USP6NL: variants seen among roughly 807,000 people sequenced by gnomAD.
USP6NL encodes USP6 N-terminal-like protein.
In USP6NL, 26 loss-of-function variants were observed where a neutral mutation model predicts 61.9. That is an observed-to-expected ratio of 0.42 (90% CI 0.31 to 0.58). USP6NL has a LOEUF of 0.58. Ranked by LOEUF, USP6NL falls within the 20% of genes least tolerant of loss-of-function variation. USP6NL has a pLI of 0.16. For missense variants in USP6NL, 1,114 were observed against 1,034.3 expected (o/e 1.08, Z -1.06); for synonymous variants, 432 against 390.1 (o/e 1.11, Z -1.27).
chr10:11,460,850 G>C lies in USP6NL; in HGVS notation c.*1591C>G, dbSNP rs1399527181. On this transcript the variant is annotated 3_prime_UTR_variant, in exon 15 of 15. Coordinates refer to ENST00000609104, the MANE Select transcript of USP6NL (RefSeq NM_014688.5). ...CCACCTGACCTGCATCAACAGCCCAGTTATTTCACCAGAATTTTGTTTGCG... is the reference window on the plus strand; with the variant it reads ...CCACCTGACCTGCATCAACAGCCCACTTATTTCACCAGAATTTTGTTTGCG... 1 of 152,228 alleles carries C rather than the reference G, an allele frequency of 6.6e-6. No homozygotes were observed. The highest frequency in any genetic ancestry group is 1.9e-4 in the East Asian group (1 of 5,188). 9.4% of individuals were successfully genotyped at this position (152,228 alleles called of 1,614,324 possible).
At chr10:11,552,908 A>G (rs1836547132) in intron 2 of USP6NL, among the ~76,000 whole-genome samples, 2 of 152,126 alleles carry the variant, frequency 1.3e-5, no homozygotes, top group South Asian at 4.2e-4. Context: ...CTGGGCTTTT[A>G]GTGTACCCAT....
Position 11,602,669 on chromosome 10 carries a change from C to A in USP6NL, c.-83-4952G>T, listed in dbSNP as rs1178779483. Among the ~76,000 whole-genome samples, 1 of 152,162 alleles carries A rather than the reference C, an allele frequency of 6.6e-6. No individual in the cohort carries two copies. Among genetic ancestry groups the A allele is most frequent in the Non-Finnish European group, 1.5e-5 (1 of 68,034 alleles). On this transcript the variant is annotated intron_variant, in intron 1 of 14. Transcript: ENST00000609104. This position sits in a 1 kb window ranked among gnomAD's most constrained non-coding sequence, Gnocchi z 4.8. ...CAAATCTAAACTTTCTGAAATCAGA[C>A]ACGTTTTGAGCACTGACGTGACACT... is the stretch of plus-strand genomic sequence containing the variant.
At position 11,499,816 on chromosome 10, in the gene USP6NL, T is replaced by C. The variant is rs1415996236; in HGVS notation, c.384+1285A>G. On this transcript the variant is annotated intron_variant, in intron 7 of 14. Transcript: ENST00000609104. This position sits in a 1 kb window ranked among gnomAD's most constrained non-coding sequence, Gnocchi z 4.5. ...AACTGTGTGAGAGAGAGTTCTGTTG[T>C]TTTGAGCCGCTTAGTTTGTGGTACT... Among the ~76,000 whole-genome samples the C allele has an allele frequency of 6.6e-6, 1 of 152,246 alleles. No homozygotes were observed. The highest frequency in any genetic ancestry group is 2.4e-5 in the African/African-American group (1 of 41,464).
rs771516009 is a variant in USP6NL at position 11,569,874 on chromosome 10, CT to C, written c.4+27756del. Among the ~76,000 whole-genome samples, 7 of 152,204 alleles carry C rather than the reference CT, an allele frequency of 4.6e-5. No individual in the cohort carries two copies. The East Asian group carries it at 7.7e-4, about 17-fold the overall frequency. On this transcript the variant is annotated intron_variant, in intron 2 of 14. Transcript: ENST00000609104. ...TCATGCTTCTTCTCGCCTCCTCCCC[CT>C]ATCACCCTAAGAGAATTTCCAAACA...
chr10:11,462,227 A>G lies in USP6NL; in HGVS notation c.*214T>C. The G allele has an allele frequency of 1.8e-6, 1 of 567,652 alleles. No individual in the cohort carries two copies. Among genetic ancestry groups the G allele is most frequent in the East Asian group, 3.0e-5 (1 of 33,446 alleles). 35.2% of individuals were successfully genotyped at this position (567,652 alleles called of 1,614,324 possible). A position where few individuals can be genotyped will look rare whatever the true frequency, so the allele number is the denominator to read the frequency against. On this transcript the variant is annotated 3_prime_UTR_variant, in exon 15 of 15. Coordinates refer to ENST00000609104, the MANE Select transcript of USP6NL (RefSeq NM_014688.5). ...ATGCTATTGCGATGTTTCCGGGTTA[A>G]ATTCTAACAGGTCAGTGATGATGCA... is the stretch of plus-strand genomic sequence containing the variant.
At chr10:11,500,322 C>T (rs1244094545) in intron 7 of USP6NL, among the ~76,000 whole-genome samples, 2 of 151,804 alleles carry the variant, frequency 1.3e-5, no homozygotes, top group Non-Finnish European at 2.9e-5. Flanking sequence ...ACATGTGTAC[C>T]CCTGAACTTA....
chr10:11,477,353 A>C (rs12571313), intron 14 of USP6NL, among the ~76,000 whole-genome samples: 16,445 of 152,244 alleles, frequency 0.11, 1,394 homozygotes, highest in East Asian at 0.43. Flanking sequence ...ACAGATATAA[A>C]AAGAACCGTA....
rs1835378497 is a variant in USP6NL, at chr10:11,525,491, G to A, written c.73-23C>T. 2 of 1,541,124 alleles carry A rather than the reference G, an allele frequency of 1.3e-6. No individual in the cohort carries two copies. Among genetic ancestry groups the A allele is most frequent in the African/African-American group, 2.8e-5 (2 of 70,440 alleles). ...TCCCTAAAATAAGGCACAAAAAAAG[G>A]TGTTAATCAGAGTTTATAAAACTGA... On this transcript the variant is annotated intron_variant, in intron 3 of 14. Transcript: ENST00000609104. This position sits in a 1 kb window ranked among gnomAD's most constrained non-coding sequence, Gnocchi z 5.0.
At position 11,542,104 on chromosome 10, in the gene USP6NL, A is replaced by C. The variant is rs1425393512; in HGVS notation, c.5-14537T>G. 4.6e-5 allele frequency among the ~76,000 whole-genome samples: 7 copies of C among 152,198 alleles called. 1 individual carries two copies. Among genetic ancestry groups the C allele is most frequent in the Admixed American group, 4.6e-4 (7 of 15,282 alleles). On this transcript the variant is annotated intron_variant, in intron 2 of 14. Coordinates refer to ENST00000609104, the MANE Select transcript of USP6NL (RefSeq NM_014688.5). ...ACTGGCCAATCATTAAGTGAATGAC[A>C]ATCAGATGAAGAATATAAAGACCAG...
At position 11,509,575 on chromosome 10, in the gene USP6NL, A is replaced by C. The variant is rs768763962; in HGVS notation, c.276+20T>G. 3.3e-6 allele frequency: 5 copies of C among 1,526,944 alleles called. No individual in the cohort carries two copies. Among genetic ancestry groups the C allele is most frequent in the Non-Finnish European group, 4.4e-6 (5 of 1,131,554 alleles). 94.6% of individuals were successfully genotyped at this position (1,526,944 alleles called of 1,614,324 possible). On this transcript the variant is annotated intron_variant, in intron 6 of 14. Coordinates refer to ENST00000609104, the MANE Select transcript of USP6NL (RefSeq NM_014688.5). ...TTGAGTTTATATAGTTTCATATGGA[A>C]AAACATGATTTTAAATTACCTTTTC...
intron 2 of USP6NL, among the ~76,000 whole-genome samples, chr10:11,568,046 G>A (rs1421802427): frequency 6.6e-5 from 10 of 152,054 alleles, no homozygotes; most frequent in Non-Finnish European, 1.5e-5. Flanking sequence ...TCAGCTTAGC[G>A]GTCACGTGTG....
At chr10:11,583,365 G>T (rs1327864309) in intron 2 of USP6NL, among the ~76,000 whole-genome samples, 4 of 148,870 alleles carry the variant, frequency 2.7e-5, no homozygotes, top group Non-Finnish European at 6.0e-5. Flanking sequence ...ATTTTTTTTT[G>T]TATTTTTAGT....
In USP6NL at chr10:11,462,553, G is replaced by A. The variant is rs1353830160; in HGVS notation, c.2375C>T (p.Pro792Leu). 1.8e-5 allele frequency: 29 copies of A among 1,614,016 alleles called. No individual in the cohort carries two copies. Among genetic ancestry groups the A allele is most frequent in the Middle Eastern group, 1.6e-4 (1 of 6,062 alleles). Residue 792 changes from proline (P) to leucine (L), a missense_variant, in exon 15 of 15, where the codon CCG (proline) becomes CTG (leucine). Pro to Leu is a moderately conservative substitution (Grantham distance 98, BLOSUM62 -3). Coordinates refer to ENST00000609104, the MANE Select transcript of USP6NL (RefSeq NM_014688.5). ...AGATGGACTGGCATCTTCTGCGGCCGGTGAAGCTTTATATCTCACGGGACT... is the reference window on the plus strand; with the variant it reads ...AGATGGACTGGCATCTTCTGCGGCCAGTGAAGCTTTATATCTCACGGGACT... ...VDSPVRYKAS[P>L]AAEDASPSGY... is the part of the protein sequence containing the mutation.
chr10:11,526,304 ACCT>A (rs1440242151), intron 3 of USP6NL, among the ~76,000 whole-genome samples: 1 of 152,070 alleles, frequency 6.6e-6, no homozygotes, highest in Non-Finnish European at 1.5e-5. Flanking sequence ...TCTTGTGGAC[ACCT>A]CCATCTGTCT....
In USP6NL at chr10:11,575,711, C is replaced by T. The variant is rs961772285; in HGVS notation, c.4+21920G>A. 1.3e-5 allele frequency among the ~76,000 whole-genome samples: 2 copies of T among 152,168 alleles called. No individual in the cohort carries two copies. The highest frequency in any genetic ancestry group is 1.5e-5 in the Non-Finnish European group (1 of 68,016). On this transcript the variant is annotated intron_variant, in intron 2 of 14. Coordinates refer to ENST00000609104, the MANE Select transcript of USP6NL (RefSeq NM_014688.5). This position sits in a 1 kb window ranked among gnomAD's most constrained non-coding sequence, Gnocchi z 4.2. Reference sequence around the variant, plus strand: ...AGCAATCAATAGCTTTTTCTTGTTTCTCTCATTTTTCATCACACATTGCAT... The same window carrying T: ...AGCAATCAATAGCTTTTTCTTGTTTTTCTCATTTTTCATCACACATTGCAT...
chr10:11,488,030 A>G (rs1833546464), intron 10 of USP6NL, among the ~76,000 whole-genome samples: 1 of 152,224 alleles, frequency 6.6e-6, no homozygotes, highest in Non-Finnish European at 1.5e-5. Flanking sequence ...CACTTAGAAT[A>G]ACTAGTGTTA....
At chr10:11,588,775 C>T (rs953019269) in intron 2 of USP6NL, among the ~76,000 whole-genome samples, 1 of 152,098 alleles carries the variant, frequency 6.6e-6, no homozygotes, top group Non-Finnish European at 1.5e-5. Context: ...AGTAATAACT[C>T]CATTTTTATA....
rs2133127717 is a variant in USP6NL, at chr10:11,462,632, C to CT, written c.2295dup (p.Ala766SerfsTer19). The CT allele has an allele frequency of 6.2e-7, 1 of 1,613,988 alleles. No individual in the cohort carries two copies. Among genetic ancestry groups the CT allele is most frequent in the East Asian group, 2.2e-5 (1 of 44,880 alleles). ...TCCTGAAAGGGTGCGAGTTGAAAGG[C>CT]TGAGTATTTTGGTAAATTGCCACGG... is the stretch of plus-strand genomic sequence containing the variant. On this transcript the variant is annotated frameshift_variant, in exon 15 of 15. Coordinates refer to ENST00000609104, the MANE Select transcript of USP6NL (RefSeq NM_014688.5). LOFTEE classifies it low-confidence loss of function (END_TRUNC).
intron 6 of USP6NL, among the ~76,000 whole-genome samples, chr10:11,508,783 C>A (rs546920771): frequency 7.5e-4 from 114 of 152,314 alleles, no homozygotes; most frequent in African/African-American, 2.7e-3. Flanking sequence ...TTCTTTGAAT[C>A]ATGAACATTT....
Sources: allele counts gnomAD v4.1 joint callset (sites outside exome capture counted in the v4.1 genomes callset), GRCh38; gene constraint gnomAD v4.1.1; non-coding constraint Gnocchi (gnomAD v3.1); transcripts MANE v1.5; gene names NCBI Gene and HGNC (gene_info 2026-07-23, HGNC 2026-07-21).